DBT: variants seen among roughly 807,000 people sequenced by gnomAD.
DBT encodes the protein lipoamide acyltransferase component of branched-chain alpha-keto acid dehydrogenase complex, mitochondrial.
A neutral mutation model predicts 51.3 loss-of-function variants in DBT; 40 were observed. The ratio of observed to expected loss-of-function variants is 0.78; its 90% CI spans 0.61 to 1.02. The LOEUF (loss-of-function observed/expected upper bound fraction) is 1.02, where lower values mean the gene tolerates loss of function less well. Among genes scored for constraint, DBT ranks in the 50% least tolerant of loss-of-function variants. The pLI, the probability that DBT is intolerant of heterozygous loss-of-function variation, is 0.00. For missense variants in DBT, 510 were observed against 580.2 expected (o/e 0.88, Z 1.24); for synonymous variants, 181 against 190.4 (o/e 0.95, Z 0.41).
intron 1 of DBT, among the ~76,000 whole-genome samples, chr1:100,243,159 G>C (rs1664322054): frequency 6.6e-6 from 1 of 150,386 alleles, no homozygotes; most frequent in Non-Finnish European, 1.5e-5. Context: ...CTACTTGGGA[G>C]GCTGAGGCAC....
At chr1:100,208,300 T>C (rs140878105) in intron 8 of DBT, among the ~76,000 whole-genome samples, 64 of 152,356 alleles carry the variant, frequency 4.2e-4, no homozygotes, top group Middle Eastern at 3.4e-3. Flanking sequence ...CCTTTGTATA[T>C]GCAAATATTC....
chr1:100,215,118 C>G, intron 6 of DBT, 135 bp from the exon 7 acceptor site: 1 of 673,900 alleles, frequency 1.5e-6, no homozygotes. Flanking sequence ...CCTCTTACTA[C>G]TCTCTTCATT....
rs1293227946 is a variant in DBT at position 100,198,119 on chromosome 1, T to C, written c.1282-1697A>G. 3.9e-5 allele frequency among the ~76,000 whole-genome samples: 6 copies of C among 152,196 alleles called. No homozygotes were observed. The East Asian group carries it at 5.8e-4, about 15-fold the overall frequency. On this transcript the variant is annotated intron_variant, in intron 10 of 10. Transcript: ENST00000370132. ...AAAAATGGAAAAATCCAAATATTCA[T>C]TGATGGATGAATGTATAAACAAAAC...
chr1:100,206,581 T>C lies in DBT; in HGVS notation c.1073A>G (p.Asn358Ser). Residue 358 changes from asparagine to serine, a missense_variant, in exon 9 of 11, where the codon AAT becomes AGT. Coordinates refer to ENST00000370132, the MANE Select transcript of DBT (RefSeq NM_001918.5). ...AGAGCAGATCTGAACATTTTTCACA[T>C]TAGGGACAATCAAACCCTGCTCAGT... ...MDTEQGLIVPNVKNVQICSIF... is the reference protein window; with the variant it reads ...MDTEQGLIVPSVKNVQICSIF... 6.2e-7 allele frequency: 1 copy of C among 1,612,602 alleles called. No homozygotes were observed.
At chr1:100,236,180 C>G (rs1421927162) in intron 2 of DBT, among the ~76,000 whole-genome samples, 13 of 151,984 alleles carry the variant, frequency 8.6e-5, no homozygotes, top group Admixed American at 5.3e-4. Flanking sequence ...ATACTACAGC[C>G]TCAAACTCCT....
chr1:100,203,381 C>T (rs1372068089), intron 10 of DBT, among the ~76,000 whole-genome samples: 1 of 152,014 alleles, frequency 6.6e-6, no homozygotes, highest in Non-Finnish European at 1.5e-5. Flanking sequence ...ACGCATACAC[C>T]CTCCCAAGAC....
intron 10 of DBT, among the ~76,000 whole-genome samples, chr1:100,204,065 A>G (rs1437874328): frequency 6.6e-6 from 1 of 152,194 alleles, no homozygotes; most frequent in Admixed American, 6.5e-5. Flanking sequence ...CCTCTCTCTC[A>G]CCACTCCTAT....
intron 4 of DBT, among the ~76,000 whole-genome samples, chr1:100,219,188 CA>C (rs1284462963): frequency 2.6e-5 from 4 of 151,828 alleles, no homozygotes; most frequent in Non-Finnish European, 5.9e-5. Context: ...CCCACCTGTA[CA>C]AAAAATTTAA....
chr1:100,214,829 A>G lies in DBT; in HGVS notation c.927T>C (p.Pro309=). The part of the protein sequence containing the change: ...FARGIKLSFM[P]FFLKAASLGL... The stretch of plus-strand genomic sequence containing the variant: ...GAATGAATCTCACCTTTAAGAAGAA[A>G]GGCATAAAGGAGAGTTTAATTCCAC... Residue 309 remains proline (P), a synonymous_variant, in exon 7 of 11, where the codon CCT becomes CCC. Coordinates refer to ENST00000370132, the MANE Select transcript of DBT (RefSeq NM_001918.5). The G allele has an allele frequency of 2.5e-6, 4 of 1,614,014 alleles. No homozygotes were observed. The highest frequency in any genetic ancestry group is 3.4e-6 in the Non-Finnish European group (4 of 1,179,888).
In DBT at chr1:100,206,653, T is replaced by C. The variant is rs754255984; in HGVS notation, c.1018-17A>G. 5.4e-6 allele frequency: 8 copies of C among 1,475,896 alleles called. No homozygotes were observed. Among genetic ancestry groups the C allele is most frequent in the Non-Finnish European group, 7.6e-6 (8 of 1,054,668 alleles). 91.4% of individuals were successfully genotyped at this position (1,475,896 alleles called of 1,614,324 possible). On this transcript the variant is annotated splice_polypyrimidine_tract_variant and intron_variant, in intron 8 of 10. Coordinates refer to ENST00000370132, the MANE Select transcript of DBT (RefSeq NM_001918.5). ...ATGAGAAGCCTAAAAAATAAAAAAT[T>C]GTACAGTAGGGCTTTTAATGAATAA...
At chr1:100,213,751 T>C in intron 7 of DBT, 1 of 1,535,750 alleles carries the variant, frequency 6.5e-7, no homozygotes, top group South Asian at 1.3e-5. Context: ...TTTATTTGAT[T>C]AAGCTTCAGG....
chr1:100,211,032 AT>A (rs1296395309), intron 7 of DBT: 5 of 769,584 alleles, frequency 6.5e-6, no homozygotes, highest in Non-Finnish European at 1.2e-5. Flanking sequence ...CAAAATAATG[AT>A]ACAGACCAGC....
intron 6 of DBT, 67 bp downstream of exon 6, chr1:100,215,916 C>T (rs958460442): frequency 2.2e-6 from 2 of 912,778 alleles, no homozygotes; most frequent in Non-Finnish European, 3.7e-6. Flanking sequence ...ATACATTTAT[C>T]TACTGAGGTA....
In DBT at chr1:100,189,255, G is replaced by A. The variant is rs1660702638; in HGVS notation, c.*7000C>T. The stretch of plus-strand genomic sequence containing the variant: ...ACTTGGGAGTTGAGGAATGAGCACT[G>A]TTTGAACCCAGGAGACGGAGGTTGC... On this transcript the variant is annotated 3_prime_UTR_variant, in exon 11 of 11. Transcript: ENST00000370132. 2 of 151,026 alleles carry A rather than the reference G, an allele frequency of 1.3e-5. No homozygotes were observed. The highest frequency in any genetic ancestry group is 2.0e-4 in the East Asian group (1 of 5,052). The allele number at this position is 151,026 out of a possible 1,614,324, so 9.4% of individuals were successfully genotyped here.
Position 100,243,751 on chromosome 1 carries a change from G to A in DBT, c.52-2867C>T, listed in dbSNP as rs558612350. ...CACACAGCAAATAAGTGGAACAATC[G>A]AGCTCTGAAGCTAAATAAATTTGAT... On this transcript the variant is annotated intron_variant, in intron 1 of 10. Transcript: ENST00000370132. 5.9e-5 allele frequency among the ~76,000 whole-genome samples: 9 copies of A among 152,178 alleles called. 1 individual carries two copies. Among genetic ancestry groups the A allele is most frequent in the South Asian group, 4.1e-4 (2 of 4,822 alleles).
intron 2 of DBT, among the ~76,000 whole-genome samples, chr1:100,237,141 G>GCTTCTCC (rs1217220589): frequency 6.6e-6 from 1 of 152,198 alleles, no homozygotes; most frequent in Non-Finnish European, 1.5e-5. Flanking sequence ...AGTCCGCACA[G>GCTTCTCC]CTTCTCCCTT....
Position 100,216,178 on chromosome 1 carries a change from C to T in DBT, c.577G>A (p.Gly193Ser), listed in dbSNP as rs398123671. 6.2e-7 allele frequency: 1 copy of T among 1,613,006 alleles called. No homozygotes were observed. ...AGTATTCTGCCATCTTTTCCTGAGC[C>T]AACAACTTCACTCAGCTTAATCTAA... ...ENNIKLSEVV[G>S]SGKDGRILKE... The change falls in exon 6 of 11, where the codon GGC (glycine) becomes AGC (serine). Residue 193 changes from glycine (G) to serine (S), a missense_variant. By Grantham distance (56) the Gly-to-Ser change is moderately conservative. Coordinates refer to ENST00000370132, the MANE Select transcript of DBT (RefSeq NM_001918.5).
In DBT at chr1:100,196,168, A is replaced by G; in HGVS notation, c.*87T>C. ...ATACGATACAAATCATTTACAATAT[A>G]AATTGTAAAGATGAACATGTGCTGG... On this transcript the variant is annotated 3_prime_UTR_variant, in exon 11 of 11. Transcript: ENST00000370132. 1 of 1,126,776 alleles carries G rather than the reference A, an allele frequency of 8.9e-7. No homozygotes were observed. Among genetic ancestry groups the G allele is most frequent in the Non-Finnish European group, 1.4e-6 (1 of 740,624 alleles). 69.8% of individuals were successfully genotyped at this position (1,126,776 alleles called of 1,614,324 possible). A position where few individuals can be genotyped will look rare whatever the true frequency, so the allele number is the denominator to read the frequency against.
At chr1:100,198,299 C>A (rs768005201) in intron 10 of DBT, among the ~76,000 whole-genome samples, 2 of 152,078 alleles carry the variant, frequency 1.3e-5, no homozygotes, top group Non-Finnish European at 2.9e-5. Flanking sequence ...CCAATTAATT[C>A]ACAGAGACAG....
Sources: allele counts gnomAD v4.1 joint callset (sites outside exome capture counted in the v4.1 genomes callset), GRCh38; gene constraint gnomAD v4.1.1; transcripts MANE v1.5; gene names NCBI Gene and HGNC (gene_info 2026-07-23, HGNC 2026-07-21).